The following FLI1 variants were observed in gnomAD, a reference collection of about 807,000 sequenced individuals.
The protein encoded by FLI1 is Friend leukemia integration 1 transcription factor.
FLI1 carries 13 observed loss-of-function variants against 53.1 expected under a neutral mutation model. The ratio of observed to expected loss-of-function variants is 0.24; its 90% CI spans 0.16 to 0.39. The LOEUF (loss-of-function observed/expected upper bound fraction) is 0.39, where lower values mean the gene tolerates loss of function less well. Ranked by LOEUF, FLI1 falls within the 10% of genes least tolerant of loss-of-function variation. The probability of loss-of-function intolerance (pLI) is 1.00; values close to 1 mark genes in which losing one functional copy is unlikely to be tolerated. For synonymous variants in FLI1, 244 were observed against 236.7 expected (o/e 1.03, Z -0.28); for missense variants, 424 against 600.5 (o/e 0.71, Z 3.07).
chr11:128,765,325 C>T (rs183447334), intron 2 of FLI1, among the ~76,000 whole-genome samples: 50 of 152,308 alleles, frequency 3.3e-4, no homozygotes, highest in African/African-American at 1.0e-3. Flanking sequence ...CTGTGCCTAC[C>T]GTACATGGCC....
At chr11:128,719,759 G>A (rs1315112192) in intron 1 of FLI1, among the ~76,000 whole-genome samples, 1 of 152,166 alleles carries the variant, frequency 6.6e-6, no homozygotes, top group Non-Finnish European at 1.5e-5. Context: ...GGAGTCACCG[G>A]CTGAAATGGA....
intron 1 of FLI1, among the ~76,000 whole-genome samples, chr11:128,739,082 A>T (rs1415868989): frequency 6.6e-6 from 1 of 152,210 alleles, no homozygotes; most frequent in African/African-American, 2.4e-5. Context: ...CTCGATGTTT[A>T]TCAGCACTTA....
chr11:128,689,941 G>C (rs769153644), upstream of FLI1, among the ~76,000 whole-genome samples: 1 of 152,156 alleles, frequency 6.6e-6, no homozygotes, highest in Non-Finnish European at 1.5e-5. Flanking sequence ...CGTGGGGAGC[G>C]GGCCAGGCGA....
At chr11:128,747,362 TG>T (rs1324659203) in intron 1 of FLI1, among the ~76,000 whole-genome samples, 4 of 152,204 alleles carry the variant, frequency 2.6e-5, no homozygotes, top group Non-Finnish European at 5.9e-5. Context: ...GAAAAGTATG[TG>T]GGACAGCACT....
intron 6 of FLI1, 30 bp from the exon 7 acceptor site, chr11:128,807,150 C>T: frequency 6.5e-7 from 1 of 1,550,190 alleles, no homozygotes; most frequent in Non-Finnish European, 8.8e-7. Flanking sequence ...CTGGGTCCTA[C>T]TCACTGCATT....
chr11:128,696,107 C>T, intron 1 of FLI1: 1 of 152,402 alleles, frequency 6.6e-6, no homozygotes, highest in Non-Finnish European at 1.5e-5. Flanking sequence ...ATTGGCATGG[C>T]AGGCCTCGAG....
chr11:128,739,768 A>C (rs1940058078), intron 1 of FLI1, among the ~76,000 whole-genome samples: 1 of 152,154 alleles, frequency 6.6e-6, no homozygotes, highest in Non-Finnish European at 1.5e-5. Context: ...TTATGAATGG[A>C]GCTCTTTGTT....
chr11:128,686,451 C>T, upstream of FLI1: 1 of 456,374 alleles, frequency 2.2e-6, no homozygotes, highest in Non-Finnish European at 4.4e-6. Flanking sequence ...GGGGACGGGA[C>T]TGAGGCGTAG....
intron 1 of FLI1, among the ~76,000 whole-genome samples, chr11:128,711,783 T>C (rs1054155987): frequency 2.0e-5 from 3 of 152,244 alleles, no homozygotes; most frequent in Non-Finnish European, 2.9e-5. Context: ...TAGGTAGAGC[T>C]CCATACTATT....
chr11:128,765,029 G>A (rs1190959290), intron 2 of FLI1, among the ~76,000 whole-genome samples: 1 of 151,902 alleles, frequency 6.6e-6, no homozygotes, highest in Non-Finnish European at 1.5e-5. Context: ...TCCAGCTGGA[G>A]AGCAGGTGTG....
chr11:128,744,173 A>T (rs1849989315), intron 1 of FLI1, among the ~76,000 whole-genome samples: 1 of 152,252 alleles, frequency 6.6e-6, no homozygotes, highest in Non-Finnish European at 1.5e-5. Context: ...GCTTACTCGT[A>T]GACAGAGTGG....
At chr11:128,748,942 C>A (rs1940528142) in intron 1 of FLI1, among the ~76,000 whole-genome samples, 1 of 152,204 alleles carries the variant, frequency 6.6e-6, no homozygotes, top group Non-Finnish European at 1.5e-5. Context: ...TCAAATAATA[C>A]ATGTTCTATT....
intron 5 of FLI1, among the ~76,000 whole-genome samples, chr11:128,794,584 C>G (rs1248271916): frequency 6.6e-6 from 1 of 152,172 alleles, no homozygotes; most frequent in African/African-American, 2.4e-5. Flanking sequence ...ATATAAAAAC[C>G]TTTCTAATCC....
chr11:128,687,243 T>C (rs934222115), intron 1 of FLI1, among the ~76,000 whole-genome samples: 1 of 152,010 alleles, frequency 6.6e-6, no homozygotes, highest in Non-Finnish European at 1.5e-5. Context: ...GATTGCTATA[T>C]TTGACAGCAC....
intron 1 of FLI1, among the ~76,000 whole-genome samples, chr11:128,715,273 AC>A (rs776314101): frequency 1.3e-5 from 2 of 152,246 alleles, no homozygotes; most frequent in African/African-American, 4.8e-5. Flanking sequence ...CAAGAGTGTT[AC>A]CATTAGCAGA....
intron 1 of FLI1, among the ~76,000 whole-genome samples, chr11:128,711,796 C>G (rs1386329363): frequency 1.3e-5 from 2 of 152,214 alleles, no homozygotes; most frequent in Admixed American, 1.3e-4. Context: ...ATACTATTAA[C>G]AGATGGTTTG....
At chr11:128,757,084 CTT>C (rs1326926654) in intron 1 of FLI1, among the ~76,000 whole-genome samples, 194 of 149,202 alleles carry the variant, frequency 1.3e-3, no homozygotes, top group East Asian at 9.6e-3. Flanking sequence ...TTCTTTCTTT[CTT>C]TCTTTCTTTC....
intron 5 of FLI1, among the ~76,000 whole-genome samples, chr11:128,798,770 TTAATAGCCC>T (rs1942523480): frequency 6.6e-6 from 1 of 152,120 alleles, no homozygotes. Flanking sequence ...AAGTGAAGGT[TTAATAGCCC>T]CTCTAGAATG....
intron 1 of FLI1, among the ~76,000 whole-genome samples, chr11:128,751,251 GA>G (rs939321094): frequency 1.3e-5 from 2 of 152,166 alleles, no homozygotes; most frequent in African/African-American, 4.8e-5. Context: ...AACATTCGGA[GA>G]AGTAGGTATC....
Sources: gnomAD v4.1 joint callset for allele counts (sites outside exome capture counted in the v4.1 genomes callset) on GRCh38, gnomAD v4.1.1 for gene constraint, MANE v1.5 for transcripts, NCBI Gene and HGNC (gene_info 2026-07-23, HGNC 2026-07-21) for gene names.